AKAP19: variants seen among roughly 807,000 people sequenced by gnomAD.
The protein encoded by AKAP19 is small A-kinase anchoring protein.
chr2:190,094,797 A>G, the AKAP19 span, among the ~76,000 whole-genome samples: 50,100 of 152,074 alleles, frequency 0.33, 10,187 homozygotes, highest in African/African-American at 0.58. Context: ...TAAGGATGAT[A>G]AGGGAGAGGT....
At chr2:190,157,641 G>A in the AKAP19 span, among the ~76,000 whole-genome samples, 1 of 151,914 alleles carries the variant, frequency 6.6e-6, no homozygotes, top group African/African-American at 2.4e-5. Context: ...TTTTTTAAAT[G>A]AGCACAGATA....
At chr2:189,926,286 T>G in the AKAP19 span, among the ~76,000 whole-genome samples, 1 of 152,168 alleles carries the variant, frequency 6.6e-6, no homozygotes, top group South Asian at 2.1e-4. Flanking sequence ...TACACTTTTT[T>G]TGTTTTGTTT....
At chr2:190,155,019 T>C in the AKAP19 span, among the ~76,000 whole-genome samples, 1 of 152,204 alleles carries the variant, frequency 6.6e-6, no homozygotes, top group Non-Finnish European at 1.5e-5. Flanking sequence ...AAGCCAGCAT[T>C]TGAACTTGTG....
the AKAP19 span, among the ~76,000 whole-genome samples, chr2:190,078,760 C>T: frequency 7.2e-5 from 11 of 151,838 alleles, no homozygotes; most frequent in South Asian, 8.4e-4. Flanking sequence ...TTAAATATGC[C>T]GTTGCATTTG....
the AKAP19 span, among the ~76,000 whole-genome samples, chr2:190,052,523 T>C: frequency 1.3e-5 from 2 of 152,202 alleles, no homozygotes; most frequent in South Asian, 4.1e-4. Flanking sequence ...ATGCCAAGGT[T>C]CTGAGTTCCA....
the AKAP19 span, among the ~76,000 whole-genome samples, chr2:190,173,977 C>T: frequency 6.6e-5 from 10 of 152,238 alleles, no homozygotes; most frequent in South Asian, 1.2e-3. Context: ...CCTTAGTCAC[C>T]TGCTCTGTCC....
At chr2:190,114,018 T>C in the AKAP19 span, among the ~76,000 whole-genome samples, 164 of 152,310 alleles carry the variant, frequency 1.1e-3, 2 homozygotes, top group African/African-American at 3.9e-3. Flanking sequence ...AAAGTTACTC[T>C]TATTTTACTT....
the AKAP19 span, among the ~76,000 whole-genome samples, chr2:190,167,860 G>T: frequency 6.6e-6 from 1 of 152,198 alleles, no homozygotes; most frequent in African/African-American, 2.4e-5. Context: ...TCATGGGCTG[G>T]CGTTCAGTGT....
chr2:189,900,043 C>T, the AKAP19 span, among the ~76,000 whole-genome samples: 1 of 152,104 alleles, frequency 6.6e-6, no homozygotes, highest in South Asian at 2.1e-4. Flanking sequence ...TAAACATGAA[C>T]AGTAAATATA....
chr2:190,011,732 A>G, the AKAP19 span, among the ~76,000 whole-genome samples: 2 of 152,148 alleles, frequency 1.3e-5, no homozygotes, highest in Non-Finnish European at 1.5e-5. Flanking sequence ...TTGAAAATCA[A>G]TTGACTGTAA....
the AKAP19 span, among the ~76,000 whole-genome samples, chr2:189,963,181 T>C: frequency 7.1e-6 from 1 of 141,688 alleles, no homozygotes; most frequent in Non-Finnish European, 1.5e-5. Context: ...TTCAATCACA[T>C]CTTCGGGCTT....
At chr2:189,927,793 T>G in the AKAP19 span, among the ~76,000 whole-genome samples, 3 of 152,154 alleles carry the variant, frequency 2.0e-5, no homozygotes, top group Non-Finnish European at 4.4e-5. Flanking sequence ...TGGTGGCCAC[T>G]AGCCATATGT....
chr2:189,962,673 G>A, the AKAP19 span, among the ~76,000 whole-genome samples: 3 of 152,092 alleles, frequency 2.0e-5, no homozygotes, highest in Admixed American at 2.0e-4. Context: ...GATAAAGGCT[G>A]ACAATTACTT....
chr2:190,121,006 G>T, the AKAP19 span, among the ~76,000 whole-genome samples: 1 of 151,944 alleles, frequency 6.6e-6, no homozygotes, highest in African/African-American at 2.4e-5. Context: ...TTAGGAATTT[G>T]GGGGAGTTCG....
the AKAP19 span, among the ~76,000 whole-genome samples, chr2:190,067,549 G>A: frequency 1.3e-5 from 2 of 152,092 alleles, no homozygotes; most frequent in Non-Finnish European, 2.9e-5. Flanking sequence ...AAATATTATT[G>A]TAATCACCAA....
At chr2:189,974,585 A>G in the AKAP19 span, among the ~76,000 whole-genome samples, 2 of 152,158 alleles carry the variant, frequency 1.3e-5, no homozygotes, top group South Asian at 4.1e-4. Flanking sequence ...GGGGTGTTAA[A>G]GTCTCCCATT....
chr2:190,105,561 T>C, the AKAP19 span, among the ~76,000 whole-genome samples: 1 of 152,340 alleles, frequency 6.6e-6, no homozygotes, highest in Non-Finnish European at 1.5e-5. Flanking sequence ...TATTTCACGA[T>C]TCCTCTTTTT....
the AKAP19 span, among the ~76,000 whole-genome samples, chr2:190,161,456 A>G: frequency 6.6e-6 from 1 of 152,158 alleles, no homozygotes; most frequent in Non-Finnish European, 1.5e-5. Context: ...TCAGGCCCAC[A>G]TTCTAAACAA....
At chr2:190,074,537 G>C in the AKAP19 span, among the ~76,000 whole-genome samples, 1 of 152,072 alleles carries the variant, frequency 6.6e-6, no homozygotes, top group Non-Finnish European at 1.5e-5. Flanking sequence ...TCTAGTCCCA[G>C]CTGCTCAGGA....
Sources: gnomAD v4.1 joint callset for allele counts (sites outside exome capture counted in the v4.1 genomes callset) on GRCh38, gnomAD v4.1.1 for gene constraint, MANE v1.5 for transcripts, NCBI Gene and HGNC (gene_info 2026-07-23, HGNC 2026-07-21) for gene names.